The following TENM3 variants were observed in gnomAD, a reference collection of about 807,000 sequenced individuals.
TENM3 encodes the protein teneurin transmembrane protein 3.
A neutral mutation model predicts 255.1 loss-of-function variants in TENM3; 63 were observed. That is an observed-to-expected ratio of 0.25 (90% confidence interval 0.20 to 0.30). The LOEUF (loss-of-function observed/expected upper bound fraction) is 0.30, where lower values mean the gene tolerates loss of function less well. TENM3 is among the 10% of genes least tolerant of loss of function. The pLI is 1.00. For missense variants in TENM3, 2,929 were observed against 3,461.1 expected, an observed-to-expected ratio of 0.85 and a Z score of 3.86; for synonymous variants, 1,306 against 1,322.3, an observed-to-expected ratio of 0.99 and a Z score of 0.27.
rs192355898 is a variant in TENM3 at position 182,598,423 on chromosome 4, G to A, written c.512-2501G>A. Among the ~76,000 whole-genome samples, 61 of 152,276 alleles carry A rather than the reference G, an allele frequency of 4.0e-4. No homozygotes were observed. The East Asian group carries it at 6.6e-3, about 16-fold the overall frequency. ...TGGATCCTCGTGTGGTGTCTTGTAC[G>A]CTGTAAGTTCTCAGCAGACACTTAC... On this transcript the variant is annotated intron_variant, in intron 3 of 27. Transcript: ENST00000511685.
At chr4:181,735,442 T>C in the TENM3 span, among the ~76,000 whole-genome samples, 2 of 152,188 alleles carry the variant, frequency 1.3e-5, no homozygotes, top group Non-Finnish European at 2.9e-5. Context: ...TCAGTCAGAA[T>C]TGGGAAAAGT....
chr4:181,508,844 C>CAA, the TENM3 span, among the ~76,000 whole-genome samples: 1 of 146,774 alleles, frequency 6.8e-6, no homozygotes, highest in East Asian at 2.1e-4. Context: ...TCAGTGAATC[C>CAA]AAAAGCACTT....
At chr4:181,586,648 T>C in the TENM3 span, among the ~76,000 whole-genome samples, 60 of 152,182 alleles carry the variant, frequency 3.9e-4, no homozygotes, top group Admixed American at 1.3e-3. Context: ...AAGACCAGCC[T>C]GGCCAACACG....
the TENM3 span, among the ~76,000 whole-genome samples, chr4:181,967,084 G>T: frequency 1.3e-5 from 2 of 151,990 alleles, no homozygotes; most frequent in Admixed American, 1.3e-4. Flanking sequence ...CAGAGACTTT[G>T]CATGAAAGGG....
At chr4:182,544,383 T>C (rs1741211063) in intron 3 of TENM3, among the ~76,000 whole-genome samples, 1 of 136,168 alleles carries the variant, frequency 7.3e-6, no homozygotes, top group Non-Finnish European at 1.5e-5. Flanking sequence ...TAGGCTAGAG[T>C]GCAGTGGTGT....
chr4:182,769,484 T>G (rs562701225), intron 22 of TENM3, among the ~76,000 whole-genome samples: 1 of 152,268 alleles, frequency 6.6e-6, no homozygotes, highest in East Asian at 1.9e-4. Flanking sequence ...TATTCATTGC[T>G]TTTAAAGAGC....
chr4:181,858,243 A>G, the TENM3 span, among the ~76,000 whole-genome samples: 1 of 152,208 alleles, frequency 6.6e-6, no homozygotes, highest in South Asian at 2.1e-4. Context: ...TATGCAATAA[A>G]TGAAGTTTAG....
chr4:181,931,264 C>G, the TENM3 span, among the ~76,000 whole-genome samples: 1 of 152,126 alleles, frequency 6.6e-6, no homozygotes, highest in Non-Finnish European at 1.5e-5. Context: ...ATTTGGAAAA[C>G]CCCATCATCT....
At chr4:182,297,059 G>A (rs1761540108) in intron 1 of TENM3, among the ~76,000 whole-genome samples, 1 of 152,178 alleles carries the variant, frequency 6.6e-6, no homozygotes, top group East Asian at 1.9e-4. Flanking sequence ...TGTCTTCTTA[G>A]CTTTAAGATG....
intron 2 of TENM3, among the ~76,000 whole-genome samples, chr4:182,336,098 C>T (rs751437209): frequency 2.6e-5 from 4 of 152,142 alleles, no homozygotes; most frequent in Non-Finnish European, 5.9e-5. Context: ...CTACTGTAGG[C>T]GGGATCTTCC....
At chr4:182,774,159 G>T (rs754930582) in intron 23 of TENM3, among the ~76,000 whole-genome samples, 1 of 151,996 alleles carries the variant, frequency 6.6e-6, no homozygotes, top group Non-Finnish European at 1.5e-5. Flanking sequence ...GACCCTCCTT[G>T]CCATATTCCT....
intron 1 of TENM3, among the ~76,000 whole-genome samples, chr4:182,188,416 A>G (rs548724916): frequency 1.3e-5 from 2 of 152,290 alleles, no homozygotes; most frequent in Non-Finnish European, 1.5e-5. Flanking sequence ...ATTCGGCTCC[A>G]TATGTCTCAG....
intron 12 of TENM3, among the ~76,000 whole-genome samples, chr4:182,689,521 A>G (rs1708199591): frequency 6.6e-6 from 1 of 152,164 alleles, no homozygotes; most frequent in South Asian, 2.1e-4. Context: ...GTGATCTTCA[A>G]GAAGAACTCA....
At chr4:181,922,570 C>T in the TENM3 span, among the ~76,000 whole-genome samples, 5 of 151,978 alleles carry the variant, frequency 3.3e-5, no homozygotes, top group East Asian at 3.9e-4. Context: ...TCTGTGGGAT[C>T]GGTGGTGATA....
At chr4:182,264,313 T>G (rs1047559663) in intron 1 of TENM3, among the ~76,000 whole-genome samples, 23 of 152,306 alleles carry the variant, frequency 1.5e-4, no homozygotes, top group African/African-American at 5.5e-4. Context: ...AGTCGCAAAC[T>G]TGGCTGCAGG....
the TENM3 span, among the ~76,000 whole-genome samples, chr4:181,667,793 C>T: frequency 2.0e-5 from 3 of 152,276 alleles, no homozygotes; most frequent in African/African-American, 7.2e-5. Context: ...AAGACACTGT[C>T]CTTTACAGAG....
the TENM3 span, among the ~76,000 whole-genome samples, chr4:181,473,834 T>G: frequency 1.3e-5 from 1 of 77,840 alleles, no homozygotes; most frequent in African/African-American, 3.7e-5. Flanking sequence ...ATATGTATAC[T>G]GTATATATAT....
intron 1 of TENM3, among the ~76,000 whole-genome samples, chr4:182,165,549 G>A (rs760480879): frequency 6.6e-6 from 1 of 152,162 alleles, no homozygotes; most frequent in East Asian, 1.9e-4. Context: ...GGCACACATA[G>A]TCATCAGCTG....
At chr4:181,700,078 G>A in the TENM3 span, among the ~76,000 whole-genome samples, 2 of 152,138 alleles carry the variant, frequency 1.3e-5, no homozygotes, top group Admixed American at 1.3e-4. Context: ...TTCAGAATCA[G>A]TGAGACTTTC....
Sources: gnomAD v4.1 joint callset for allele counts (sites outside exome capture counted in the v4.1 genomes callset) on GRCh38, gnomAD v4.1.1 for gene constraint, MANE v1.5 for transcripts, NCBI Gene and HGNC (gene_info 2026-07-23, HGNC 2026-07-21) for gene names.